The following EYS variants were observed in gnomAD, a reference collection of about 807,000 sequenced individuals.
EYS encodes the protein EGF-like photoreceptor maintenance factor, also known as protein eyes shut homolog.
Under a neutral mutation model 282.1 loss-of-function variants are expected in EYS, and 250 were observed. The ratio of observed to expected loss-of-function variants is 0.89; its 90% CI spans 0.80 to 0.98. The LOEUF (loss-of-function observed/expected upper bound fraction) is 0.98, where lower values mean the gene tolerates loss of function less well. EYS is among the 50% of genes least tolerant of loss of function. The probability of loss-of-function intolerance (pLI) is 0.00; values close to 1 mark genes in which losing one functional copy is unlikely to be tolerated. For synonymous variants in EYS, 1,355 were observed against 1,282.9 expected, an observed-to-expected ratio of 1.06 and a Z score of -1.20; for missense variants, 4,016 against 3,709.0, an observed-to-expected ratio of 1.08 and a Z score of -2.15.
chr6:64,381,486 A>G (rs1025579636), intron 29 of EYS, among the ~76,000 whole-genome samples: 2 of 152,052 alleles, frequency 1.3e-5, no homozygotes, highest in East Asian at 1.9e-4. Context: ...TTTCTCTTCC[A>G]TGTTATTTTT....
chr6:64,723,677 T>C (rs141576420), intron 22 of EYS, among the ~76,000 whole-genome samples: 23 of 152,316 alleles, frequency 1.5e-4, no homozygotes, highest in African/African-American at 5.1e-4. Flanking sequence ...TCTTTGAAGA[T>C]GGTCCTGCAG....
At chr6:64,348,990 C>T (rs962793419) in intron 29 of EYS, among the ~76,000 whole-genome samples, 2 of 151,318 alleles carry the variant, frequency 1.3e-5, no homozygotes, top group Non-Finnish European at 3.0e-5. Context: ...TATGGATCAT[C>T]ACATAACCAT....
intron 2 of EYS, among the ~76,000 whole-genome samples, chr6:65,537,110 C>T (rs1423326234): frequency 6.6e-6 from 1 of 152,090 alleles, no homozygotes; most frequent in African/African-American, 2.4e-5. Flanking sequence ...GAAAAACAAA[C>T]ACTGCATGTT....
chr6:63,891,433 T>A (rs1773405342), intron 35 of EYS, among the ~76,000 whole-genome samples: 1 of 152,100 alleles, frequency 6.6e-6, no homozygotes, highest in Non-Finnish European at 1.5e-5. Flanking sequence ...TGGTTCAACA[T>A]ACGCAAATCA....
At chr6:64,930,644 T>C (rs1299044224) in intron 15 of EYS, among the ~76,000 whole-genome samples, 1 of 152,088 alleles carries the variant, frequency 6.6e-6, no homozygotes, top group Non-Finnish European at 1.5e-5. Flanking sequence ...GAGATGAAAA[T>C]TTTAATGCAT....
intron 36 of EYS, among the ~76,000 whole-genome samples, chr6:63,818,960 C>T (rs1771252144): frequency 6.6e-6 from 1 of 152,208 alleles, no homozygotes; most frequent in Non-Finnish European, 1.5e-5. Flanking sequence ...CTTATAAAAA[C>T]ACCTTGATCC....
In EYS at chr6:63,902,136, T is replaced by A. The variant is rs1312057422; in HGVS notation, c.7056-37778A>T. Among the ~76,000 whole-genome samples the A allele has an allele frequency of 2.0e-5, 3 of 152,084 alleles. No homozygotes were observed. In the East Asian group the frequency reaches 5.8e-4, roughly 29 times the overall value. On this transcript the variant is annotated intron_variant, in intron 35 of 42. Transcript: ENST00000503581. ...CTTGAACTCCTGTCCTCAAATGATC[T>A]TCCTGTCTTGGCCTCCCAAAGTGCT... is the stretch of plus-strand genomic sequence containing the variant.
chr6:63,758,785 G>C (rs1370372703), intron 41 of EYS, among the ~76,000 whole-genome samples: 1 of 151,988 alleles, frequency 6.6e-6, no homozygotes, highest in Non-Finnish European at 1.5e-5. Flanking sequence ...ATTTTGACTT[G>C]CTTGTCACCA....
At position 65,306,832 on chromosome 6, in the gene EYS, C is replaced by CA. The variant is rs201743269; in HGVS notation, c.1767-10714dup. On this transcript the variant is annotated intron_variant, in intron 11 of 42. Transcript: ENST00000503581. ...TGGGCAGCAGAGCAAGAGTCCGTCT[C>CA]AAAAAAAAAAAAAAAAAAAAAAAAA... Among the ~76,000 whole-genome samples the CA allele has an allele frequency of 4.3e-3, 221 of 51,740 alleles. 11 individuals are homozygous for CA. Among genetic ancestry groups the CA allele is most frequent in the African/African-American group, 0.01 (127 of 12,118 alleles). The allele number at this position is 51,740 out of a possible 152,430, so 33.9% of individuals were successfully genotyped here. A position where few individuals can be genotyped will look rare whatever the true frequency, so the allele number is the denominator to read the frequency against.
intron 33 of EYS, among the ~76,000 whole-genome samples, chr6:64,028,580 C>T (rs1157299162): frequency 6.6e-6 from 1 of 152,156 alleles, no homozygotes; most frequent in Non-Finnish European, 1.5e-5. Flanking sequence ...TCTATATTCC[C>T]CTGCACTCTG....
At position 63,851,636 on chromosome 6, in the gene EYS, C is replaced by G. The variant is rs528369452; in HGVS notation, c.7228+12550G>C. The stretch of plus-strand genomic sequence containing the variant: ...TATTTGAAACTAATGAGAACAAAGA[C>G]ACAACATATCAGAACTTTGGGACAC... On this transcript the variant is annotated intron_variant, in intron 36 of 42. Transcript: ENST00000503581. 2.0e-5 allele frequency among the ~76,000 whole-genome samples: 3 copies of G among 152,210 alleles called. No homozygotes were observed. The South Asian group carries it at 6.2e-4, about 32-fold the overall frequency.
rs1478360218 is a variant in EYS at position 64,356,502 on chromosome 6, T to C, written c.6078+32188A>G. Among the ~76,000 whole-genome samples, 3 of 151,840 alleles carry C rather than the reference T, an allele frequency of 2.0e-5. No individual in the cohort carries two copies. The East Asian group carries it at 5.9e-4, about 30-fold the overall frequency. On this transcript the variant is annotated intron_variant, in intron 29 of 42. Transcript: ENST00000503581. ...ATGTGTTTAATCATGTGTAGAATAA[T>C]TATATTTCTGAATATTTAAATCATA... is the stretch of plus-strand genomic sequence containing the variant.
At chr6:64,091,474 G>T (rs1055761257) in intron 31 of EYS, among the ~76,000 whole-genome samples, 10 of 152,006 alleles carry the variant, frequency 6.6e-5, no homozygotes, top group African/African-American at 2.4e-5. Flanking sequence ...TTTTATTGAG[G>T]GTACATGAGT....
At chr6:65,489,608 C>T (rs560078482) in intron 5 of EYS, 1 of 152,224 alleles carries the variant, frequency 6.6e-6, no homozygotes, top group South Asian at 2.1e-4. Flanking sequence ...CCATTTGACC[C>T]AGCAATCCCA....
chr6:64,764,724 T>C (rs1041004721), intron 22 of EYS, among the ~76,000 whole-genome samples: 1 of 152,172 alleles, frequency 6.6e-6, no homozygotes, highest in Non-Finnish European at 1.5e-5. Context: ...TTATGCACTG[T>C]TCCCTTTTTG....
At chr6:64,901,013 T>A (rs1767637331) in intron 18 of EYS, among the ~76,000 whole-genome samples, 1 of 150,588 alleles carries the variant, frequency 6.6e-6, no homozygotes, top group Admixed American at 6.6e-5. Flanking sequence ...AATGTTATAC[T>A]GGAAAAAAAA....
chr6:64,186,926 T>A (rs1274697459), intron 31 of EYS, among the ~76,000 whole-genome samples: 1 of 152,158 alleles, frequency 6.6e-6, no homozygotes, highest in Non-Finnish European at 1.5e-5. Flanking sequence ...TGTTTTCTTA[T>A]CCCCGCTCCG....
At chr6:64,068,614 A>G (rs1427632128) in intron 32 of EYS, among the ~76,000 whole-genome samples, 2 of 151,908 alleles carry the variant, frequency 1.3e-5, no homozygotes, top group Non-Finnish European at 2.9e-5. Flanking sequence ...TGTGTAACAA[A>G]CCTGCAGTTT....
chr6:63,834,452 A>G (rs149863183), intron 36 of EYS, among the ~76,000 whole-genome samples: 7,741 of 152,244 alleles, frequency 0.051, 325 homozygotes, highest in African/African-American at 0.11. Flanking sequence ...ACATGAAAAA[A>G]TGCTCATCAT....
Sources: gnomAD v4.1 joint callset for allele counts (sites outside exome capture counted in the v4.1 genomes callset) on GRCh38, gnomAD v4.1.1 for gene constraint, MANE v1.5 for transcripts, NCBI Gene and HGNC (gene_info 2026-07-23, HGNC 2026-07-21) for gene names.